ATRNL1: variants seen among roughly 807,000 people sequenced by gnomAD.
ATRNL1 encodes the protein attractin-like protein 1.
In ATRNL1, 95 loss-of-function variants were observed where a neutral mutation model predicts 182.7. The ratio of observed to expected loss-of-function variants is 0.52; its 90% CI spans 0.44 to 0.62. The LOEUF (loss-of-function observed/expected upper bound fraction) is 0.62. Ranked by LOEUF, ATRNL1 falls within the 20% of genes least tolerant of loss-of-function variation. ATRNL1 has a pLI of 0.00. For synonymous variants in ATRNL1, 576 were observed against 568.3 expected (o/e 1.01, Z -0.19); for missense variants, 1,471 against 1,679.5 (o/e 0.88, Z 2.17).
At chr10:115,239,188 T>TTTTG (rs1554902191) in intron 9 of ATRNL1, among the ~76,000 whole-genome samples, 2 of 130,564 alleles carry the variant, frequency 1.5e-5, no homozygotes, top group African/African-American at 6.1e-5. Context: ...TATAGTATTT[T>TTTTG]CTTGTTTTGT....
chr10:115,301,982 T>C lies in ATRNL1; in HGVS notation c.2757T>C (p.Asn919=). ...GTACGAAACGATGTGTTGACTCTAA[T>C]GCCTATATCATCTCTTTTCCATATG... ...CSSTKRCVDS[N]AYIISFPYGQ... is the part of the protein sequence containing the mutation. Residue 919 remains asparagine (N), a synonymous_variant, in exon 17 of 29, where the codon AAT becomes AAC. Transcript: ENST00000355044. 1 of 1,614,124 alleles carries C rather than the reference T, an allele frequency of 6.2e-7. No homozygotes were observed.
chr10:115,830,691 A>G (rs1463497864), intron 27 of ATRNL1, among the ~76,000 whole-genome samples: 1 of 152,172 alleles, frequency 6.6e-6, no homozygotes, highest in Non-Finnish European at 1.5e-5. Flanking sequence ...TGTTGGTTTC[A>G]GATGGAACCA....
intron 26 of ATRNL1, among the ~76,000 whole-genome samples, chr10:115,620,322 C>T (rs1236931099): frequency 6.6e-6 from 1 of 152,050 alleles, no homozygotes; most frequent in African/African-American, 2.4e-5. Flanking sequence ...TCCTCATGAC[C>T]CAAGCACCTC....
intron 5 of ATRNL1, among the ~76,000 whole-genome samples, chr10:115,130,852 A>G (rs1253295238): frequency 2.0e-5 from 3 of 152,124 alleles, no homozygotes; most frequent in African/African-American, 7.2e-5. Flanking sequence ...CTGGTCTTCA[A>G]TTGCTATTAG....
At chr10:115,632,510 A>G (rs1858579390) in intron 26 of ATRNL1, among the ~76,000 whole-genome samples, 1 of 152,152 alleles carries the variant, frequency 6.6e-6, no homozygotes, top group South Asian at 2.1e-4. Flanking sequence ...AGTTTTAAAG[A>G]ATCTATTTTG....
rs192972541 is a variant in ATRNL1 at position 115,908,866 on chromosome 10, C to T, written c.4019-35792C>T. 2.0e-5 allele frequency among the ~76,000 whole-genome samples: 3 copies of T among 152,272 alleles called. No individual in the cohort carries two copies. The East Asian group carries it at 5.8e-4, about 29-fold the overall frequency. On this transcript the variant is annotated intron_variant, in intron 28 of 28. Coordinates refer to ENST00000355044, the MANE Select transcript of ATRNL1 (RefSeq NM_207303.4). ...ATTACTTTTTTCTTAAACCTAATAA[C>T]ATGGAATATATGATTCACTACCTCC...
chr10:115,321,547 A>T (rs1234865990), intron 18 of ATRNL1, among the ~76,000 whole-genome samples: 2 of 151,574 alleles, frequency 1.3e-5, no homozygotes, highest in Non-Finnish European at 2.9e-5. Context: ...TGTTTTTATG[A>T]TGGCAAATAT....
chr10:115,166,578 C>T (rs1387564666), intron 7 of ATRNL1, among the ~76,000 whole-genome samples: 4 of 151,782 alleles, frequency 2.6e-5, no homozygotes, highest in Non-Finnish European at 4.4e-5. Flanking sequence ...TTGTTATTTT[C>T]TGTTTTTGTT....
intron 17 of ATRNL1, among the ~76,000 whole-genome samples, chr10:115,304,684 C>A (rs189465981): frequency 1.8e-4 from 28 of 151,926 alleles, no homozygotes; most frequent in African/African-American, 6.3e-4. Flanking sequence ...AGGTAGCCCT[C>A]GGAAAAAAAC....
intron 28 of ATRNL1, among the ~76,000 whole-genome samples, chr10:115,872,350 T>C (rs782451855): frequency 7.9e-5 from 12 of 152,216 alleles, no homozygotes; most frequent in Non-Finnish European, 1.6e-4. Flanking sequence ...AGCTTAAAAG[T>C]CTTATTCAGA....
At chr10:115,176,492 A>G (rs1304312996) in intron 8 of ATRNL1, among the ~76,000 whole-genome samples, 2 of 152,154 alleles carry the variant, frequency 1.3e-5, no homozygotes, top group African/African-American at 4.8e-5. Flanking sequence ...GCCAAAAATG[A>G]TGATGAGAAT....
At chr10:115,312,800 T>C (rs1372866840) in intron 17 of ATRNL1, among the ~76,000 whole-genome samples, 1 of 152,046 alleles carries the variant, frequency 6.6e-6, no homozygotes, top group Non-Finnish European at 1.5e-5. Context: ...CTTTGTTCCT[T>C]TTTTAAATTA....
chr10:115,787,341 G>A (rs564430964), intron 27 of ATRNL1, among the ~76,000 whole-genome samples: 1 of 152,226 alleles, frequency 6.6e-6, no homozygotes, highest in African/African-American at 2.4e-5. Context: ...ACCCATTCGG[G>A]CCACTAAGAC....
chr10:115,352,785 A>C (rs1856320336), intron 19 of ATRNL1, among the ~76,000 whole-genome samples: 1 of 152,156 alleles, frequency 6.6e-6, no homozygotes, highest in Admixed American at 6.6e-5. Flanking sequence ...CTGTAGTCCC[A>C]GCTACTCGGG....
Position 115,300,013 on chromosome 10 carries a change from C to T in ATRNL1, c.2416-21C>T, listed in dbSNP as rs782323319. On this transcript the variant is annotated intron_variant, in intron 15 of 28. Coordinates refer to ENST00000355044, the MANE Select transcript of ATRNL1 (RefSeq NM_207303.4). ...TTTACATCTAACTTTCTTTGAATGC[C>T]CCTTTTCCTGTTGTTTACAGAAAGT... 6.4e-6 allele frequency: 10 copies of T among 1,558,336 alleles called. No homozygotes were observed. In the East Asian group the frequency reaches 1.8e-4, roughly 28 times the overall value.
chr10:115,420,603 A>T (rs1554961751), intron 20 of ATRNL1, among the ~76,000 whole-genome samples: 1 of 152,198 alleles, frequency 6.6e-6, no homozygotes, highest in African/African-American at 2.4e-5. Context: ...TATTTGAAAA[A>T]GTAGAAATAT....
rs186655483 is a variant in ATRNL1 at position 115,106,971 on chromosome 10, A to T, written c.293+12928A>T. Among the ~76,000 whole-genome samples the T allele has an allele frequency of 2.6e-5, 4 of 152,304 alleles. No individual in the cohort carries two copies. The East Asian group carries it at 7.7e-4, about 29-fold the overall frequency. On this transcript the variant is annotated intron_variant, in intron 1 of 28. Coordinates refer to ENST00000355044, the MANE Select transcript of ATRNL1 (RefSeq NM_207303.4). ...TTCTTGCTGCATCATCCTGTGGCAG[A>T]GGGTAAATAGAGGGTCAAGGGATAG...
chr10:115,776,505 G>A (rs1414475256), intron 27 of ATRNL1, among the ~76,000 whole-genome samples: 1 of 152,250 alleles, frequency 6.6e-6, no homozygotes, highest in East Asian at 1.9e-4. Flanking sequence ...GGATCTGACT[G>A]TCTGACTAAC....
At chr10:115,237,464 T>G (rs2133809699) in intron 9 of ATRNL1, among the ~76,000 whole-genome samples, 1 of 152,368 alleles carries the variant, frequency 6.6e-6, no homozygotes, top group South Asian at 2.1e-4. Flanking sequence ...TATTTTAATC[T>G]GCATTTCCCT....
Sources: allele counts gnomAD v4.1 joint callset (sites outside exome capture counted in the v4.1 genomes callset), GRCh38; gene constraint gnomAD v4.1.1; transcripts MANE v1.5; gene names NCBI Gene and HGNC (gene_info 2026-07-23, HGNC 2026-07-21).